CIT: variants seen among roughly 807,000 people sequenced by gnomAD.
CIT encodes citron rho-interacting serine/threonine kinase.
CIT carries 79 observed loss-of-function variants against 272.7 expected under a neutral mutation model. The ratio of observed to expected loss-of-function variants is 0.29; its 90% CI spans 0.24 to 0.35. The LOEUF (loss-of-function observed/expected upper bound fraction) is 0.35, where lower values mean the gene tolerates loss of function less well. Among genes scored for constraint, CIT ranks in the 10% least tolerant of loss-of-function variants. CIT has a pLI of 1.00. For synonymous variants in CIT, 948 were observed against 995.6 expected (o/e 0.95, Z 0.90); for missense variants, 1,909 against 2,618.3 (o/e 0.73, Z 5.91).
At chr12:119,730,158 C>T (rs999626539) in intron 27 of CIT, among the ~76,000 whole-genome samples, 1 of 152,022 alleles carries the variant, frequency 6.6e-6, no homozygotes, top group African/African-American at 2.4e-5. Context: ...CCCAAAGATG[C>T]ACAGCATTCA....
chr12:119,713,753 G>C lies in CIT; in HGVS notation c.4307-105C>G. 2 of 1,234,354 alleles carry C rather than the reference G, an allele frequency of 1.6e-6. No homozygotes were observed. The allele number at this position is 1,234,354 out of a possible 1,614,324, so 76.5% of individuals were successfully genotyped here. On this transcript the variant is annotated intron_variant, in intron 33 of 47. Transcript: ENST00000392521. This position sits in a 1 kb window ranked among gnomAD's most constrained non-coding sequence, Gnocchi z 5.2. ...GGCTTCTCTACCCCAGCCGGGCCCA[G>C]AGAGTCTGGCCCTGGCTTGCAGGTA... is the stretch of plus-strand genomic sequence containing the variant.
In CIT at chr12:119,784,818, G is replaced by A. The variant is rs567396263; in HGVS notation, c.1401+142C>T. On this transcript the variant is annotated intron_variant, in intron 11 of 47. Transcript: ENST00000392521. This position sits in a 1 kb window ranked among gnomAD's most constrained non-coding sequence, Gnocchi z 4.7. ...CATCTCCCTCTGAGCTGCTGGAGGC[G>A]CGACTTCAGCGAAGGCAGGAGCGCC... 640 of 1,445,020 alleles carry A rather than the reference G, an allele frequency of 4.4e-4. 3 individuals are homozygous for A. The highest frequency in any genetic ancestry group is 4.9e-4 in the Non-Finnish European group (534 of 1,099,742). 89.5% of individuals were successfully genotyped at this position (1,445,020 alleles called of 1,614,324 possible). A position where few individuals can be genotyped will look rare whatever the true frequency, so the allele number is the denominator to read the frequency against.
intron 1 of CIT, 54 bp downstream of exon 1, chr12:119,877,195 C>T (rs2428693): frequency 6.2e-4 from 95 of 152,402 alleles, no homozygotes; most frequent in African/African-American, 2.2e-3. Context: ...GCGGCCCTCC[C>T]CTGGCCTTGC....
Position 119,876,196 on chromosome 12 carries a change from GAA to G in CIT, c.-13-17_-13-16del. On this transcript the variant is annotated splice_polypyrimidine_tract_variant and intron_variant, in intron 1 of 47. Coordinates refer to ENST00000392521, the MANE Select transcript of CIT (RefSeq NM_001206999.2). ...CCCCACTGGCGCTGAAAGGATATCA[GAA>G]AAGTCAAGTGTGTCCTATGTTTTGA... is the stretch of plus-strand genomic sequence containing the variant. The G allele has an allele frequency of 6.5e-7, 1 of 1,539,800 alleles. No homozygotes were observed. The highest frequency in any genetic ancestry group is 9.0e-7 in the Non-Finnish European group (1 of 1,113,630).
chr12:119,775,679 G>T, intron 16 of CIT, 107 bp downstream of exon 16: 1 of 805,352 alleles, frequency 1.2e-6, no homozygotes, highest in Non-Finnish European at 2.1e-6. Flanking sequence ...CCTCAGCGCT[G>T]GGTGACTAAT....
intron 4 of CIT, among the ~76,000 whole-genome samples, chr12:119,852,630 G>A (rs1279621488): frequency 6.6e-6 from 1 of 151,854 alleles, no homozygotes; most frequent in Non-Finnish European, 1.5e-5. Flanking sequence ...GGAACCCGGG[G>A]GCAGAGGTTG....
At chr12:119,703,978 C>T (rs1300488137) in intron 41 of CIT, among the ~76,000 whole-genome samples, 1 of 152,206 alleles carries the variant, frequency 6.6e-6, no homozygotes, top group Non-Finnish European at 1.5e-5. Flanking sequence ...ATAGACACCT[C>T]TAGAATTTGA....
At chr12:119,769,984 A>G (rs968711451) in intron 18 of CIT, among the ~76,000 whole-genome samples, 2 of 151,192 alleles carry the variant, frequency 1.3e-5, no homozygotes, top group African/African-American at 2.5e-5. Context: ...GGAATGACCA[A>G]TGACTTCAGA....
chr12:119,862,835 A>G (rs1950391133), intron 3 of CIT, among the ~76,000 whole-genome samples: 1 of 136,908 alleles, frequency 7.3e-6, no homozygotes, highest in African/African-American at 3.0e-5. Flanking sequence ...AAAAAAAAAA[A>G]AAAAAGAAAA....
intron 16 of CIT, among the ~76,000 whole-genome samples, chr12:119,773,852 A>G (rs920215049): frequency 2.0e-5 from 3 of 152,230 alleles, no homozygotes; most frequent in Admixed American, 2.0e-4. Context: ...GTCCTCTCAC[A>G]AGCTTTTGGC....
chr12:119,768,958 G>A lies in CIT; in HGVS notation c.2209-1776C>T, dbSNP rs79045461. Among the ~76,000 whole-genome samples, 1,776 of 152,252 alleles carry A rather than the reference G, an allele frequency of 0.012. 42 individuals are homozygous for A. Among genetic ancestry groups the A allele is most frequent in the African/African-American group, 0.04 (1,659 of 41,532 alleles). ...TAAGCACAGGGTTCTTGAGCAAAAG[G>A]CACCTTCTAATAAATGAAGTCACAA... On this transcript the variant is annotated intron_variant, in intron 18 of 47. Coordinates refer to ENST00000392521, the MANE Select transcript of CIT (RefSeq NM_001206999.2). The surrounding 1 kb of genome is among the most constrained non-coding windows in gnomAD (Gnocchi z 4.3).
intron 40 of CIT, among the ~76,000 whole-genome samples, chr12:119,705,058 G>A (rs1229617989): frequency 6.6e-6 from 1 of 152,096 alleles, no homozygotes; most frequent in Admixed American, 6.6e-5. Context: ...GACCACAGGT[G>A]CGCACCACCA....
chr12:119,739,773 T>C (rs969698933), intron 24 of CIT, among the ~76,000 whole-genome samples: 2 of 152,028 alleles, frequency 1.3e-5, no homozygotes, highest in Non-Finnish European at 2.9e-5. Context: ...ATGAGGGAGG[T>C]ACTACTACCA....
At chr12:119,758,518 AGAAG>A in intron 21 of CIT, 69 bp downstream of exon 21, 1 of 924,150 alleles carries the variant, frequency 1.1e-6, no homozygotes, top group African/African-American at 1.6e-5. Flanking sequence ...ATCAAACAGA[AGAAG>A]GGAGTTTATG....
chr12:119,842,388 C>CAAAA (rs58634070), intron 5 of CIT, among the ~76,000 whole-genome samples: 39 of 71,438 alleles, frequency 5.5e-4, no homozygotes, highest in South Asian at 1.3e-3. Flanking sequence ...GACTGCATCT[C>CAAAA]AAAAAAAAAA....
chr12:119,750,048 G>A (rs1959999713), intron 23 of CIT, among the ~76,000 whole-genome samples: 1 of 152,138 alleles, frequency 6.6e-6, no homozygotes, highest in African/African-American at 2.4e-5. Flanking sequence ...CAATCCCCTG[G>A]GGAGAAAAAG....
In CIT at chr12:119,734,194, T is replaced by C. The variant is rs1257369338; in HGVS notation, c.3320A>G (p.Gln1107Arg). The change falls in exon 26 of 48, where the codon CAG becomes CGG. Residue 1107 changes from glutamine to arginine, a missense_variant. Around this residue, in one of 8 missense-constraint regions of CIT, gnomAD observed 530 missense variants for 822.4 expected, o/e 0.64. Coordinates refer to ENST00000392521, the MANE Select transcript of CIT (RefSeq NM_001206999.2). ...SQFECRVREL[Q>R]RMLDTEKQSR... is the part of the protein sequence containing the mutation. ...CTGTTTCTCGGTGTCCAGCATTCTC[T>C]GCAGCTCTCGAACCCGACACTCAAA... is the stretch of plus-strand genomic sequence containing the variant. 4 of 1,613,650 alleles carry C rather than the reference T, an allele frequency of 2.5e-6. No individual in the cohort carries two copies. Among genetic ancestry groups the C allele is most frequent in the Non-Finnish European group, 3.4e-6 (4 of 1,179,984 alleles).
At chr12:119,785,772 G>T (rs1448617784) in intron 10 of CIT, among the ~76,000 whole-genome samples, 1 of 152,050 alleles carries the variant, frequency 6.6e-6, no homozygotes, top group African/African-American at 2.4e-5. Context: ...TAGAGATGGG[G>T]TTTCACCATG....
At position 119,728,232 on chromosome 12, in the gene CIT, T is replaced by C. The variant is rs554921278; in HGVS notation, c.3591+270A>G. Among the ~76,000 whole-genome samples, 1 of 152,268 alleles carries C rather than the reference T, an allele frequency of 6.6e-6. No homozygotes were observed. Among genetic ancestry groups the C allele is most frequent in the East Asian group, 1.9e-4 (1 of 5,182 alleles). On this transcript the variant is annotated intron_variant, in intron 28 of 47. Transcript: ENST00000392521. The surrounding 1 kb of genome is among the most constrained non-coding windows in gnomAD (Gnocchi z 4.3). ...CACATTTGTCAAAACCCATAGAACATACAACACCAATAGCAAACCTAATTT... is the reference window on the plus strand; with the variant it reads ...CACATTTGTCAAAACCCATAGAACACACAACACCAATAGCAAACCTAATTT...
Sources: gnomAD v4.1 joint callset for allele counts (sites outside exome capture counted in the v4.1 genomes callset) on GRCh38, gnomAD v4.1.1 for gene constraint, gnomAD v4.1.1 regional missense constraint, Gnocchi (gnomAD v3.1) non-coding constraint, MANE v1.5 for transcripts, NCBI Gene and HGNC (gene_info 2026-07-23, HGNC 2026-07-21) for gene names.